Variants in MSH4 observed in about 807,000 individuals in gnomAD.
MSH4 encodes mutS homolog 4.
MSH4 carries 106 observed loss-of-function variants against 113.7 expected under a neutral mutation model. The observed-to-expected ratio is 0.93, with a 90% CI of 0.80 to 1.10. MSH4 has a LOEUF of 1.10. Among genes scored for constraint, MSH4 ranks in the 50% least tolerant of loss-of-function variants. MSH4 has a pLI of 0.00. For missense variants in MSH4, 1,061 were observed against 1,093.7 expected (o/e 0.97, Z 0.42); for synonymous variants, 368 against 380.2 (o/e 0.97, Z 0.37).
At chr1:75,815,759 AG>A (rs1205709647) in intron 5 of MSH4, among the ~76,000 whole-genome samples, 2 of 152,138 alleles carry the variant, frequency 1.3e-5, no homozygotes, top group African/African-American at 2.4e-5. Flanking sequence ...GGCTGGGCAC[AG>A]TGACTCATGC....
intron 7 of MSH4, among the ~76,000 whole-genome samples, chr1:75,839,684 A>C (rs956606965): frequency 2.0e-5 from 3 of 151,098 alleles, no homozygotes; most frequent in Admixed American, 6.6e-5. Flanking sequence ...TAATTAAACT[A>C]AAGAGCTTCT....
rs1649820587 is a variant in MSH4, at chr1:75,796,887, G to GT, written c.-97dup. The stretch of plus-strand genomic sequence containing the variant: ...GTGCAGCTTAGTGCGTCGGCGCGCA[G>GT]TTCTCCCGCCCGTTTCAGCGGCGCA... On this transcript the variant is annotated 5_prime_UTR_variant, in exon 1 of 20. Transcript: ENST00000263187. The GT allele has an allele frequency of 6.5e-7, 1 of 1,549,934 alleles. No homozygotes were observed.
In MSH4 at chr1:75,797,015, G is replaced by T. The variant is rs369331894; in HGVS notation, c.30G>T (p.Ser10=). 98 of 1,613,960 alleles carry T rather than the reference G, an allele frequency of 6.1e-5. No homozygotes were observed. The highest frequency in any genetic ancestry group is 8.3e-5 in the Non-Finnish European group (98 of 1,180,030). The part of the protein sequence containing the change: MLRPEISST[S]PSAPAVSPSS... ...TGAGGCCTGAGATCTCATCAACCTC[G>T]CCTTCTGCCCCGGCGGTTTCCCCGT... The change falls in exon 1 of 20, where the codon TCG becomes TCT. Residue 10 remains serine (S), a synonymous_variant. Transcript: ENST00000263187.
chr1:75,797,104 A>C lies in MSH4; in HGVS notation c.119A>C (p.Gln40Pro), dbSNP rs1340612618. The C allele has an allele frequency of 4.3e-6, 7 of 1,613,912 alleles. No individual in the cohort carries two copies. The highest frequency in any genetic ancestry group is 5.1e-6 in the Non-Finnish European group (6 of 1,179,928). Residue 40 changes from glutamine (Q) to proline (P), a missense_variant, in exon 1 of 20, where the codon CAG (glutamine) becomes CCG (proline). Coordinates refer to ENST00000263187, the MANE Select transcript of MSH4 (RefSeq NM_002440.4). Reference sequence around the variant, plus strand: ...AATTTCGGACTCCAGGAGACTCCACAGAGCCGCCCTTCGGTCCAGGTGGTC... The same window carrying C: ...AATTTCGGACTCCAGGAGACTCCACCGAGCCGCCCTTCGGTCCAGGTGGTC... ...RYNFGLQETP[Q>P]SRPSVQVVSA... is the part of the protein sequence containing the mutation.
chr1:75,910,457 C>T (rs141290838), intron 19 of MSH4, among the ~76,000 whole-genome samples: 137 of 151,024 alleles, frequency 9.1e-4, no homozygotes, highest in African/African-American at 3.2e-3. Flanking sequence ...TTTTTTGAAA[C>T]AAGGTCTCAC....
rs770014239 is a variant in MSH4 at position 75,883,797 on chromosome 1, C to T, written c.2083C>T (p.Leu695Phe). 5.6e-6 allele frequency: 9 copies of T among 1,612,596 alleles called. No homozygotes were observed. Among genetic ancestry groups the T allele is most frequent in the Non-Finnish European group, 7.6e-6 (9 of 1,179,340 alleles). The change falls in exon 15 of 20, where the codon CTT (leucine) becomes TTT (phenylalanine). Residue 695 changes from leucine (L) to phenylalanine (F), a missense_variant. By Grantham distance (22) the Leu-to-Phe change is conservative (BLOSUM62 0). Coordinates refer to ENST00000263187, the MANE Select transcript of MSH4 (RefSeq NM_002440.4). ...GKSTYLKQIALCQIMAQIGSY... is the reference protein window; with the variant it reads ...GKSTYLKQIAFCQIMAQIGSY... Reference sequence around the variant, plus strand: ...ATCCACATATTTAAAACAGATTGCTCTTTGTCAGATTATGGCCCAGATTGG... The same window carrying T: ...ATCCACATATTTAAAACAGATTGCTTTTTGTCAGATTATGGCCCAGATTGG...
chr1:75,800,977 T>A (rs4949677), intron 1 of MSH4, among the ~76,000 whole-genome samples: 32,868 of 152,146 alleles, frequency 0.22, 3,776 homozygotes, highest in Middle Eastern at 0.31. Context: ...TAATTTTGAT[T>A]TAGTTAAATA....
intron 15 of MSH4, among the ~76,000 whole-genome samples, chr1:75,885,318 G>GTGT (rs1557523735): frequency 0.23 from 24,212 of 104,888 alleles, 2,713 homozygotes; most frequent in Admixed American, 0.32. Flanking sequence ...TCACACTGGG[G>GTGT]GTGTGTGTGT....
intron 18 of MSH4, among the ~76,000 whole-genome samples, chr1:75,899,198 C>G (rs1213557870): frequency 6.6e-6 from 1 of 152,142 alleles, no homozygotes; most frequent in Non-Finnish European, 1.5e-5. Flanking sequence ...AAATTCCTGT[C>G]TCATTGATTT....
intron 9 of MSH4, among the ~76,000 whole-genome samples, chr1:75,870,126 CT>C (rs2100563611): frequency 6.6e-6 from 1 of 152,288 alleles, no homozygotes; most frequent in Non-Finnish European, 1.5e-5. Flanking sequence ...CATTTTGGAG[CT>C]TTTAGGTTTG....
At chr1:75,856,767 T>G (rs939395178) in intron 8 of MSH4, among the ~76,000 whole-genome samples, 1 of 152,246 alleles carries the variant, frequency 6.6e-6, no homozygotes, top group East Asian at 1.9e-4. Context: ...TGTGTCTTTA[T>G]CGTAGAATGA....
chr1:75,873,842 C>T (rs759153876), intron 9 of MSH4, among the ~76,000 whole-genome samples: 3 of 151,866 alleles, frequency 2.0e-5, no homozygotes, highest in Admixed American at 2.0e-4. Flanking sequence ...TGGTTGATTC[C>T]ATGTCTTTGC....
At position 75,807,004 on chromosome 1, in the gene MSH4, G is replaced by T; in HGVS notation, c.451G>T (p.Ala151Ser). ...AGCTTCATCCTCATCTGCGATTTCT[G>T]CACACTCCCCATCAGTTATTGTAGC... ...YSASSSSAISAHSPSVIVAVV... is the reference protein window; with the variant it reads ...YSASSSSAISSHSPSVIVAVV... The change falls in exon 3 of 20, where the codon GCA becomes TCA. Residue 151 changes from alanine to serine, a missense_variant. Ala to Ser is a moderately conservative substitution (Grantham distance 99, BLOSUM62 1). Coordinates refer to ENST00000263187, the MANE Select transcript of MSH4 (RefSeq NM_002440.4). 6.3e-7 allele frequency: 1 copy of T among 1,579,204 alleles called. No homozygotes were observed. The highest frequency in any genetic ancestry group is 8.6e-7 in the Non-Finnish European group (1 of 1,169,192).
At chr1:75,912,612 G>C (rs1353649894) in intron 19 of MSH4, 84 bp from the exon 20 acceptor site, 3 of 861,304 alleles carry the variant, frequency 3.5e-6, no homozygotes, top group African/African-American at 3.5e-5. Context: ...TATGGAAGGA[G>C]ATAGAATATT....
chr1:75,892,163 T>G (rs1387607169), intron 17 of MSH4, among the ~76,000 whole-genome samples: 2 of 152,162 alleles, frequency 1.3e-5, no homozygotes, highest in African/African-American at 4.8e-5. Context: ...CTGGCTGCCT[T>G]CAGTATGGAA....
intron 15 of MSH4, 143 bp from the exon 16 acceptor site, chr1:75,889,108 G>C: frequency 2.1e-6 from 1 of 477,172 alleles, no homozygotes; most frequent in Non-Finnish European, 3.8e-6. Flanking sequence ...ATAAGGGATA[G>C]AACTGGGGTC....
At chr1:75,862,195 T>G (rs915294339) in intron 8 of MSH4, among the ~76,000 whole-genome samples, 8 of 152,070 alleles carry the variant, frequency 5.3e-5, no homozygotes, top group Non-Finnish European at 1.2e-4. Flanking sequence ...CACTCACAAC[T>G]TCCCTTGGCT....
intron 15 of MSH4, among the ~76,000 whole-genome samples, chr1:75,884,491 C>T (rs918888718): frequency 2.0e-5 from 3 of 151,956 alleles, no homozygotes; most frequent in Admixed American, 6.6e-5. Context: ...TGATCCCTTA[C>T]CTCCCAACTC....
chr1:75,902,931 A>G (rs958482645), intron 19 of MSH4, among the ~76,000 whole-genome samples: 1 of 149,054 alleles, frequency 6.7e-6, no homozygotes, highest in African/African-American at 2.5e-5. Flanking sequence ...TTTCTTTGTT[A>G]TTATTTTGCT....
Sources: gnomAD v4.1 joint callset for allele counts (sites outside exome capture counted in the v4.1 genomes callset) on GRCh38, gnomAD v4.1.1 for gene constraint, MANE v1.5 for transcripts, NCBI Gene and HGNC (gene_info 2026-07-23, HGNC 2026-07-21) for gene names.